Variants in CACNA2D2 observed in about 807,000 individuals in gnomAD.
CACNA2D2 encodes the protein voltage-dependent calcium channel subunit alpha-2/delta-2.
A neutral mutation model predicts 166.4 loss-of-function variants in CACNA2D2; 48 were observed. The observed-to-expected ratio is 0.29, with a 90% CI of 0.23 to 0.37. The LOEUF is 0.37. Among genes scored for constraint, CACNA2D2 ranks in the 10% least tolerant of loss-of-function variants. The pLI is 1.00. For missense variants in CACNA2D2, 1,122 were observed against 1,433.0 expected (o/e 0.78, Z 3.50); for synonymous variants, 561 against 573.7 (o/e 0.98, Z 0.32).
chr3:50,380,755 T>C lies in CACNA2D2; in HGVS notation c.835A>G (p.Arg279Gly). ...CCCTTCTTGCTCGCTCACCAGGGTC[T>C]CCTTCGGACATCGTACAGGTCGATC... ...KKIDLYDVRR[R>G]PWYIQGASSP... The change falls in exon 8 of 38, where the codon AGA (arginine) becomes GGA (glycine). Residue 279 changes from arginine to glycine, a missense_variant. Around this residue, in one of 2 missense-constraint regions of CACNA2D2, gnomAD observed 840 missense variants for 1,166.8 expected, o/e 0.72. Transcript: ENST00000424201. The surrounding 1 kb of genome is among the most constrained non-coding windows in gnomAD (Gnocchi z 4.9). 6.5e-7 allele frequency: 1 copy of C among 1,538,688 alleles called. No homozygotes were observed.
At chr3:50,419,287 G>A (rs955053760) in intron 3 of CACNA2D2, among the ~76,000 whole-genome samples, 1 of 152,138 alleles carries the variant, frequency 6.6e-6, no homozygotes, top group African/African-American at 2.4e-5. Context: ...TCACTGCCTC[G>A]GAAAGGGGGA....
intron 2 of CACNA2D2, among the ~76,000 whole-genome samples, chr3:50,450,970 T>A (rs557901063): frequency 1.3e-5 from 2 of 152,160 alleles, no homozygotes; most frequent in Non-Finnish European, 2.9e-5. Context: ...TGAGGACTCA[T>A]TTGTGGTGTG....
chr3:50,440,277 A>T (rs975539928), intron 2 of CACNA2D2, among the ~76,000 whole-genome samples: 1 of 152,350 alleles, frequency 6.6e-6, no homozygotes. Context: ...ACAGTAGGGC[A>T]AGGGGCCCCT....
chr3:50,398,129 C>T (rs141501982), intron 3 of CACNA2D2, among the ~76,000 whole-genome samples: 133 of 152,290 alleles, frequency 8.7e-4, no homozygotes, highest in African/African-American at 3.0e-3. Flanking sequence ...TATTGGGATA[C>T]CACGCAGGGC....
At chr3:50,434,860 A>G (rs1320835300) in intron 2 of CACNA2D2, among the ~76,000 whole-genome samples, 1 of 152,074 alleles carries the variant, frequency 6.6e-6, no homozygotes, top group Non-Finnish European at 1.5e-5. Context: ...CATCCCAAAA[A>G]GAAGATGCTC....
At chr3:50,374,657 G>T (rs977432300) in intron 22 of CACNA2D2, 80 bp downstream of exon 22, 5 of 1,493,484 alleles carry the variant, frequency 3.3e-6, no homozygotes, top group Non-Finnish European at 3.6e-6. Flanking sequence ...GGCAAGCGGC[G>T]CTGGCTATGC....
At chr3:50,384,493 C>A (rs1481411651) in intron 5 of CACNA2D2, among the ~76,000 whole-genome samples, 156 bp from the exon 6 acceptor site, 1 of 152,162 alleles carries the variant, frequency 6.6e-6, no homozygotes, top group African/African-American at 2.4e-5. Context: ...TGGAGAGACT[C>A]AGGGACAGAT....
Position 50,362,643 on chromosome 3 carries a change from G to C in CACNA2D2, c.*2023C>G, listed in dbSNP as rs1703994806. 6.6e-6 allele frequency among the ~76,000 whole-genome samples: 1 copy of C among 152,026 alleles called. No homozygotes were observed. The stretch of plus-strand genomic sequence containing the variant: ...CAAGGGCCTGGCACCTATTATAACT[G>C]GTGGAAGCAAGTGCCATGCCCTGTG... On this transcript the variant is annotated 3_prime_UTR_variant, in exon 38 of 38. Coordinates refer to ENST00000424201, the MANE Select transcript of CACNA2D2 (RefSeq NM_006030.4).
chr3:50,503,178 A>G, intron 1 of CACNA2D2, 40 bp downstream of exon 1: 1 of 1,144,766 alleles, frequency 8.7e-7, no homozygotes, highest in Non-Finnish European at 1.1e-6. Flanking sequence ...GCGGGGCGCA[A>G]GGCTCGGCCG....
chr3:50,399,978 C>G (rs1423237588), intron 3 of CACNA2D2, among the ~76,000 whole-genome samples: 3 of 152,206 alleles, frequency 2.0e-5, no homozygotes, highest in African/African-American at 7.2e-5. Flanking sequence ...GGATGCCCAG[C>G]AGCCCCTGCC....
chr3:50,480,811 G>C (rs377480764), intron 1 of CACNA2D2, among the ~76,000 whole-genome samples: 1 of 101,914 alleles, frequency 9.8e-6, no homozygotes, highest in African/African-American at 4.0e-5. Flanking sequence ...GCTCAGGGGA[G>C]GGGGAGGGTA....
At chr3:50,461,365 T>C (rs1170755246) in intron 2 of CACNA2D2, among the ~76,000 whole-genome samples, 1 of 152,158 alleles carries the variant, frequency 6.6e-6, no homozygotes, top group African/African-American at 2.4e-5. Context: ...CTGTTGAGCG[T>C]TGGGGAGAAG....
At chr3:50,444,638 A>C (rs777903572) in intron 2 of CACNA2D2, among the ~76,000 whole-genome samples, 18 of 152,350 alleles carry the variant, frequency 1.2e-4, no homozygotes, top group Non-Finnish European at 2.5e-4. Flanking sequence ...TGTGCTGCTG[A>C]GACTTGCTAA....
rs544267589 is a variant in CACNA2D2, at chr3:50,484,689, G to A, written c.207-8490C>T. Reference sequence around the variant, plus strand: ...CCCCCCAGCAGCAACTGATCTCCACGTCCCCTCCTGGGGTGATTCTTTTGG... The same window carrying A: ...CCCCCCAGCAGCAACTGATCTCCACATCCCCTCCTGGGGTGATTCTTTTGG... On this transcript the variant is annotated intron_variant, in intron 1 of 37. Coordinates refer to ENST00000424201, the MANE Select transcript of CACNA2D2 (RefSeq NM_006030.4). Among the ~76,000 whole-genome samples the A allele has an allele frequency of 1.4e-4, 22 of 152,268 alleles. No individual in the cohort carries two copies. In the South Asian group the frequency reaches 3.1e-3, roughly 22 times the overall value.
In CACNA2D2 at chr3:50,427,931, T is replaced by G. The variant is rs72936982; in HGVS notation, c.405+6382A>C. Among the ~76,000 whole-genome samples, 4,800 of 152,208 alleles carry G rather than the reference T, an allele frequency of 0.032. 244 individuals carry two copies. Among genetic ancestry groups the G allele is most frequent in the African/African-American group, 0.11 (4,529 of 41,506 alleles). On this transcript the variant is annotated intron_variant, in intron 3 of 37. Coordinates refer to ENST00000424201, the MANE Select transcript of CACNA2D2 (RefSeq NM_006030.4). The surrounding 1 kb of genome is among the most constrained non-coding windows in gnomAD (Gnocchi z 4.7). ...CTGAACTGGCCTCCAGCTGCCTCAG[T>G]GCCAAACTTTCCCCAACATCTTGCT...
At chr3:50,442,238 T>G (rs1317533439) in intron 2 of CACNA2D2, among the ~76,000 whole-genome samples, 3 of 152,132 alleles carry the variant, frequency 2.0e-5, no homozygotes, top group Non-Finnish European at 4.4e-5. Flanking sequence ...GCAAGGGGGC[T>G]GGAGAGGGGG....
Position 50,367,769 on chromosome 3 carries a change from G to GCCCATCCTAGCCTTCTGCC in CACNA2D2, c.2234+24_2234+42dup. The GCCCATCCTAGCCTTCTGCC allele has an allele frequency of 6.2e-7, 1 of 1,611,874 alleles. No homozygotes were observed. Among genetic ancestry groups the GCCCATCCTAGCCTTCTGCC allele is most frequent in the Non-Finnish European group, 8.5e-7 (1 of 1,178,440 alleles). On this transcript the variant is annotated intron_variant, in intron 25 of 37. Transcript: ENST00000424201. The surrounding 1 kb of genome is among the most constrained non-coding windows in gnomAD (Gnocchi z 6.5). ...TGCTGGGCAGGTCCAGGGCCTCTGG[G>GCCCATCCTAGCCTTCTGCC]CCCATCCTAGCCTTCTGCCCCCACA...
intron 2 of CACNA2D2, among the ~76,000 whole-genome samples, chr3:50,444,188 A>G (rs1320293999): frequency 6.6e-6 from 1 of 152,158 alleles, no homozygotes; most frequent in African/African-American, 2.4e-5. Context: ...CCTTGCCCCA[A>G]AGCCACCAGT....
intron 3 of CACNA2D2, among the ~76,000 whole-genome samples, chr3:50,408,648 T>C (rs1706838821): frequency 6.6e-6 from 1 of 152,212 alleles, no homozygotes; most frequent in Non-Finnish European, 1.5e-5. Context: ...TTTAAGGCGT[T>C]TGTCAGAGCC....
Sources: gnomAD v4.1 joint callset for allele counts (sites outside exome capture counted in the v4.1 genomes callset) on GRCh38, gnomAD v4.1.1 for gene constraint, gnomAD v4.1.1 regional missense constraint, Gnocchi (gnomAD v3.1) non-coding constraint, MANE v1.5 for transcripts, NCBI Gene and HGNC (gene_info 2026-07-23, HGNC 2026-07-21) for gene names.